Variants in CPQ observed in about 807,000 individuals in gnomAD.
CPQ encodes the protein carboxypeptidase Q.
Under a neutral mutation model 45.7 loss-of-function variants are expected in CPQ, and 37 were observed. The observed-to-expected ratio is 0.81, with a 90% CI of 0.62 to 1.07. The LOEUF is 1.07. CPQ is among the 50% of genes least tolerant of loss of function. CPQ has a pLI of 0.00. For synonymous variants in CPQ, 186 were observed against 205.8 expected, an observed-to-expected ratio of 0.90 and a Z score of 0.82; for missense variants, 537 against 572.9, an observed-to-expected ratio of 0.94 and a Z score of 0.64.
At chr8:96,880,640 C>A (rs1421036113) in intron 4 of CPQ, among the ~76,000 whole-genome samples, 1 of 146,276 alleles carries the variant, frequency 6.8e-6, no homozygotes, top group Non-Finnish European at 1.5e-5. Flanking sequence ...AAGATGGGCA[C>A]AACTGAAGGC....
chr8:97,026,688 G>A (rs1489873967), intron 5 of CPQ, among the ~76,000 whole-genome samples: 5 of 152,222 alleles, frequency 3.3e-5, no homozygotes, highest in Non-Finnish European at 7.3e-5. Flanking sequence ...TCAAGGGCTT[G>A]AGCAGGCTTG....
At chr8:96,886,627 G>T (rs1812310444) in intron 4 of CPQ, among the ~76,000 whole-genome samples, 1 of 152,184 alleles carries the variant, frequency 6.6e-6, no homozygotes. Flanking sequence ...AGGAGAACTT[G>T]TCCAAGGGGA....
At chr8:96,817,570 C>T (rs533163432) in intron 2 of CPQ, among the ~76,000 whole-genome samples, 10 of 151,832 alleles carry the variant, frequency 6.6e-5, no homozygotes, top group African/African-American at 2.4e-4. Flanking sequence ...AGCAATAAGA[C>T]TATTTTGCTT....
chr8:96,989,092 T>C (rs986960196), intron 5 of CPQ, among the ~76,000 whole-genome samples: 3 of 152,180 alleles, frequency 2.0e-5, no homozygotes, highest in Admixed American at 2.0e-4. Context: ...ATTCCACTAA[T>C]CTGCCAGGAG....
intron 4 of CPQ, among the ~76,000 whole-genome samples, chr8:96,880,836 C>T (rs1190032314): frequency 6.6e-6 from 1 of 151,960 alleles, no homozygotes; most frequent in African/African-American, 2.4e-5. Flanking sequence ...CTACATTACT[C>T]TTTGGGTGAC....
intron 2 of CPQ, among the ~76,000 whole-genome samples, chr8:96,832,062 G>T (rs1226198468): frequency 6.6e-6 from 1 of 152,032 alleles, no homozygotes; most frequent in African/African-American, 2.4e-5. Flanking sequence ...CTCCAACATT[G>T]TTTTTTGTGG....
chr8:96,672,237 A>G (rs1182417411), intron 1 of CPQ, among the ~76,000 whole-genome samples: 1 of 152,200 alleles, frequency 6.6e-6, no homozygotes, highest in Non-Finnish European at 1.5e-5. Flanking sequence ...GTACCACTCC[A>G]AAACCATGGG....
intron 7 of CPQ, among the ~76,000 whole-genome samples, chr8:97,139,814 A>C (rs1812125944): frequency 6.6e-6 from 1 of 152,012 alleles, no homozygotes; most frequent in Admixed American, 6.5e-5. Flanking sequence ...TGAGTGTTTA[A>C]CTCCAAAAAT....
At chr8:96,854,108 T>C (rs1398838642) in intron 3 of CPQ, among the ~76,000 whole-genome samples, 1 of 152,164 alleles carries the variant, frequency 6.6e-6, no homozygotes, top group East Asian at 1.9e-4. Context: ...AGAGGTTATT[T>C]TGACATACAG....
At chr8:97,044,083 C>A (rs965195071) in intron 6 of CPQ, among the ~76,000 whole-genome samples, 1 of 152,172 alleles carries the variant, frequency 6.6e-6, no homozygotes, top group African/African-American at 2.4e-5. Flanking sequence ...GAGTGTTTTC[C>A]AACTTGGTTC....
intron 5 of CPQ, among the ~76,000 whole-genome samples, chr8:96,984,366 G>T (rs1163029611): frequency 1.3e-5 from 2 of 152,164 alleles, no homozygotes; most frequent in Non-Finnish European, 2.9e-5. Context: ...GTGTGGGGAG[G>T]TGAAGTCTCT....
intron 1 of CPQ, among the ~76,000 whole-genome samples, chr8:96,687,710 A>G (rs555624100): frequency 6.6e-6 from 1 of 152,208 alleles, no homozygotes; most frequent in South Asian, 2.1e-4. Context: ...CAGATATCCT[A>G]TAATTTCAGT....
chr8:97,110,311 G>T (rs2078959779), intron 7 of CPQ, among the ~76,000 whole-genome samples: 1 of 152,084 alleles, frequency 6.6e-6, no homozygotes. Context: ...CATTCTTTTT[G>T]ATTGCTGAGT....
chr8:96,994,095 T>C (rs2130411831), intron 5 of CPQ, among the ~76,000 whole-genome samples: 1 of 152,236 alleles, frequency 6.6e-6, no homozygotes, highest in Non-Finnish European at 1.5e-5. Flanking sequence ...AATAAAAATA[T>C]GGATGAATCT....
intron 5 of CPQ, among the ~76,000 whole-genome samples, chr8:96,975,026 G>T (rs1298283331): frequency 1.3e-5 from 2 of 151,604 alleles, no homozygotes; most frequent in African/African-American, 2.4e-5. Context: ...AGAACTAAAT[G>T]AAATTTAAAA....
chr8:96,854,387 A>C (rs3926983), intron 3 of CPQ, among the ~76,000 whole-genome samples: 75,734 of 147,498 alleles, frequency 0.51, 19,865 homozygotes, highest in African/African-American at 0.62. Flanking sequence ...AAAAATTAGC[A>C]GGGCGTAGTG....
In CPQ at chr8:96,988,775, C is replaced by G. The variant is rs1809035676; in HGVS notation, c.961+22729C>G. On this transcript the variant is annotated intron_variant, in intron 5 of 7. Transcript: ENST00000220763. ...AGAAGATCAAACAGAAATGCCTCCCCCTTTAGTGAAGTATGAACTGAGGGT... is the reference window on the plus strand; with the variant it reads ...AGAAGATCAAACAGAAATGCCTCCCGCTTTAGTGAAGTATGAACTGAGGGT... Among the ~76,000 whole-genome samples the G allele has an allele frequency of 2.6e-5, 4 of 152,148 alleles. No homozygotes were observed. In the South Asian group the frequency reaches 6.2e-4, roughly 24 times the overall value.
Position 96,656,629 on chromosome 8 carries a change from A to G in CPQ, c.-35+11227A>G, listed in dbSNP as rs537252436. On this transcript the variant is annotated intron_variant, in intron 1 of 7. Transcript: ENST00000220763. ...TCTGCGTCAGGCAATTCCAACCCCT[A>G]TGATCCACAGAAATGCCCTGTGATG... Among the ~76,000 whole-genome samples, 70 of 152,252 alleles carry G rather than the reference A, an allele frequency of 4.6e-4. 1 individual carries two copies. The South Asian group carries it at 0.012, about 26-fold the overall frequency.
At chr8:96,997,596 A>C (rs544581947) in intron 5 of CPQ, among the ~76,000 whole-genome samples, 1 of 152,126 alleles carries the variant, frequency 6.6e-6, no homozygotes, top group East Asian at 1.9e-4. Flanking sequence ...ATTTCAGGAG[A>C]AAAATTTCTT....
Sources: gnomAD v4.1 joint callset for allele counts (sites outside exome capture counted in the v4.1 genomes callset) on GRCh38, gnomAD v4.1.1 for gene constraint, MANE v1.5 for transcripts, NCBI Gene and HGNC (gene_info 2026-07-23, HGNC 2026-07-21) for gene names.